Variants in ATG14 observed in about 807,000 individuals in gnomAD.
ATG14 encodes beclin 1-associated autophagy-related key regulator.
A neutral mutation model predicts 60.4 loss-of-function variants in ATG14; 35 were observed. The ratio of observed to expected loss-of-function variants is 0.58; its 90% CI spans 0.44 to 0.77. ATG14 has a LOEUF of 0.77. ATG14 is among the 30% of genes least tolerant of loss of function. The pLI, the probability that ATG14 is intolerant of heterozygous loss-of-function variation, is 0.00. For synonymous variants in ATG14, 234 were observed against 228.8 expected (o/e 1.02, Z -0.21); for missense variants, 647 against 626.3 (o/e 1.03, Z -0.35).
intron 1 of ATG14, among the ~76,000 whole-genome samples, chr14:55,408,442 G>T (rs1255597913): frequency 1.3e-5 from 2 of 151,926 alleles, no homozygotes; most frequent in African/African-American, 4.8e-5. Context: ...TACAGGGTGA[G>T]ACCCTGTCCC....
At chr14:55,386,729 A>G (rs148445272) in intron 4 of ATG14, among the ~76,000 whole-genome samples, 242 of 152,292 alleles carry the variant, frequency 1.6e-3, no homozygotes, top group African/African-American at 5.5e-3. Flanking sequence ...GAGGAGACAT[A>G]CACTCGTCCT....
chr14:55,370,727 A>G (rs552485806), intron 9 of ATG14, among the ~76,000 whole-genome samples: 21 of 150,492 alleles, frequency 1.4e-4, no homozygotes, highest in Non-Finnish European at 2.4e-4. Flanking sequence ...TGCAACCTCC[A>G]CCGCCCAGGT....
At chr14:55,372,217 C>CG (rs1309694288) in intron 9 of ATG14, among the ~76,000 whole-genome samples, 4 of 152,116 alleles carry the variant, frequency 2.6e-5, no homozygotes, top group African/African-American at 4.8e-5. Flanking sequence ...CCAGGGCTAC[C>CG]TGTTATCATT....
At position 55,366,444 on chromosome 14, in the gene ATG14, A is replaced by G. The variant is rs1176575138; in HGVS notation, c.*3175T>C. The G allele has an allele frequency of 1.3e-5, 2 of 152,658 alleles. No individual in the cohort carries two copies. The highest frequency in any genetic ancestry group is 4.8e-5 in the African/African-American group (2 of 41,450). The allele number at this position is 152,658 out of a possible 1,614,324, so 9.5% of individuals were successfully genotyped here. On this transcript the variant is annotated 3_prime_UTR_variant, in exon 10 of 10. Transcript: ENST00000247178. ...CAATAAAAGTTTAGAAAACATTTGT[A>G]TGACTCAAACTGGTTTGGAAGTTGC...
chr14:55,375,418 A>G (rs1247307109), intron 9 of ATG14, among the ~76,000 whole-genome samples: 1 of 147,424 alleles, frequency 6.8e-6, no homozygotes, highest in African/African-American at 2.5e-5. Context: ...GAGCTCCTCA[A>G]CTCAGGCGAC....
intron 1 of ATG14, among the ~76,000 whole-genome samples, chr14:55,405,537 A>G (rs1885474509): frequency 6.6e-6 from 1 of 152,222 alleles, no homozygotes; most frequent in African/African-American, 2.4e-5. Flanking sequence ...CTAAACCAGC[A>G]GATACATTTC....
chr14:55,375,490 A>AATTTTTTTTTT (rs1555341540), intron 9 of ATG14, among the ~76,000 whole-genome samples: 2 of 117,798 alleles, frequency 1.7e-5, no homozygotes. Flanking sequence ...GCCGGGCTAA[A>AATTTTTTTTTT]TTTTTTTTTT....
chr14:55,394,504 A>G (rs929913496), intron 3 of ATG14, among the ~76,000 whole-genome samples: 3 of 152,206 alleles, frequency 2.0e-5, no homozygotes, highest in Admixed American at 6.5e-5. Context: ...AAGTACCACT[A>G]TCTTCACACA....
In ATG14 at chr14:55,396,388, TAA is replaced by T. The variant is rs1469926051; in HGVS notation, c.285-408_285-407del. Among the ~76,000 whole-genome samples, 7 of 152,288 alleles carry T rather than the reference TAA, an allele frequency of 4.6e-5. No individual in the cohort carries two copies. The East Asian group carries it at 7.7e-4, about 17-fold the overall frequency. ...GGAATAAAATGTTCTATGGGAAAAATAAAGTTTTTGTGTTTGAGTAATTAGGG... is the reference window on the plus strand; with the variant it reads ...GGAATAAAATGTTCTATGGGAAAAATAGTTTTTGTGTTTGAGTAATTAGGG... On this transcript the variant is annotated intron_variant, in intron 2 of 9. Transcript: ENST00000247178.
At position 55,373,069 on chromosome 14, in the gene ATG14, A is replaced by G. The variant is rs531954708; in HGVS notation, c.1173-3144T>C. On this transcript the variant is annotated intron_variant, in intron 9 of 9. Coordinates refer to ENST00000247178, the MANE Select transcript of ATG14 (RefSeq NM_014924.5). ...TCTCCCACTTCTAGATTAGAGATAC[A>G]TCACCTGCCTGCCAGACCCCAAGCT... is the stretch of plus-strand genomic sequence containing the variant. 3.3e-5 allele frequency among the ~76,000 whole-genome samples: 5 copies of G among 152,304 alleles called. No individual in the cohort carries two copies. In the South Asian group the frequency reaches 1.0e-3, roughly 32 times the overall value.
chr14:55,407,023 G>A (rs916676817), intron 1 of ATG14, among the ~76,000 whole-genome samples: 4 of 151,002 alleles, frequency 2.6e-5, no homozygotes, highest in East Asian at 1.9e-4. Flanking sequence ...GTACAGTGGC[G>A]TGATCTCAGC....
intron 3 of ATG14, among the ~76,000 whole-genome samples, chr14:55,393,223 AAC>A (rs1161259787): frequency 1.4e-4 from 21 of 148,010 alleles, no homozygotes; most frequent in Admixed American, 1.2e-3. Context: ...CTACTAAAAA[AAC>A]ACAAAAAAAC....
At chr14:55,370,446 C>A (rs1314562203) in intron 9 of ATG14, among the ~76,000 whole-genome samples, 2 of 152,206 alleles carry the variant, frequency 1.3e-5, no homozygotes, top group Non-Finnish European at 2.9e-5. Context: ...GAATGAGGCA[C>A]AACTGTTTAG....
intron 3 of ATG14, chr14:55,391,275 A>G: frequency 4.2e-6 from 1 of 237,938 alleles, no homozygotes; most frequent in Non-Finnish European, 8.1e-6. Flanking sequence ...GGAGATCAAG[A>G]CCATCCTGGC....
At chr14:55,404,088 T>G (rs1018875960) in intron 1 of ATG14, among the ~76,000 whole-genome samples, 14 of 152,170 alleles carry the variant, frequency 9.2e-5, no homozygotes, top group Non-Finnish European at 1.8e-4. Context: ...ATTATATAAT[T>G]TACTTGAGGT....
chr14:55,389,864 A>C (rs1885184498), intron 4 of ATG14, among the ~76,000 whole-genome samples: 1 of 152,192 alleles, frequency 6.6e-6, no homozygotes, highest in South Asian at 2.1e-4. Context: ...AGGACTTCTA[A>C]GAGAATTCAT....
At chr14:55,374,647 A>T (rs536242416) in intron 9 of ATG14, among the ~76,000 whole-genome samples, 1 of 152,134 alleles carries the variant, frequency 6.6e-6, no homozygotes, top group East Asian at 1.9e-4. Context: ...TGCTTATTTT[A>T]TAGCTGTATT....
intron 4 of ATG14, among the ~76,000 whole-genome samples, chr14:55,386,449 T>C (rs1156540799): frequency 6.6e-6 from 1 of 152,150 alleles, no homozygotes; most frequent in Admixed American, 6.5e-5. Context: ...CTAATTCAAG[T>C]TTGAAAAACT....
intron 9 of ATG14, among the ~76,000 whole-genome samples, chr14:55,374,216 GT>G (rs112314795): frequency 0.011 from 1,721 of 151,348 alleles, 14 homozygotes; most frequent in Middle Eastern, 0.027. Context: ...TTATTTTAAT[GT>G]TTTTTTTTAA....
Sources: gnomAD v4.1 joint callset for allele counts (sites outside exome capture counted in the v4.1 genomes callset) on GRCh38, gnomAD v4.1.1 for gene constraint, MANE v1.5 for transcripts, NCBI Gene and HGNC (gene_info 2026-07-23, HGNC 2026-07-21) for gene names.